The following NDUFS4 variants were observed in gnomAD, a reference collection of about 807,000 sequenced individuals.
NDUFS4 encodes the protein NADH:ubiquinone oxidoreductase subunit S4, also known as NADH dehydrogenase [ubiquinone] iron-sulfur protein 4, mitochondrial.
Under a neutral mutation model 24.3 loss-of-function variants are expected in NDUFS4, and 28 were observed. That is an observed-to-expected ratio of 1.15 (90% CI 0.85 to 1.58). The LOEUF (loss-of-function observed/expected upper bound fraction) is 1.58, where lower values mean the gene tolerates loss of function less well. NDUFS4 is among the 40% of genes most tolerant of loss of function. The pLI, the probability that NDUFS4 is intolerant of heterozygous loss-of-function variation, is 0.00. For missense variants in NDUFS4, 223 were observed against 207.9 expected (o/e 1.07, Z -0.45); for synonymous variants, 93 against 69.7 (o/e 1.34, Z -1.67).
intron 2 of NDUFS4, among the ~76,000 whole-genome samples, chr5:53,603,764 T>C (rs1209420580): frequency 6.6e-6 from 1 of 152,164 alleles, no homozygotes; most frequent in Non-Finnish European, 1.5e-5. Flanking sequence ...TGAAAGGTTT[T>C]CATTTTTGTG....
intron 1 of NDUFS4, among the ~76,000 whole-genome samples, chr5:53,595,064 T>A (rs1242528563): frequency 1.3e-5 from 2 of 152,158 alleles, no homozygotes; most frequent in Non-Finnish European, 2.9e-5. Flanking sequence ...GTATTTTTAT[T>A]ATGTAATAAA....
chr5:53,595,242 A>AT (rs1348824098), intron 1 of NDUFS4, among the ~76,000 whole-genome samples: 3 of 151,862 alleles, frequency 2.0e-5, no homozygotes, highest in African/African-American at 7.2e-5. Flanking sequence ...TTTTTTATGA[A>AT]TTTTTTCTTC....
chr5:53,569,066 T>A (rs1749131825), intron 1 of NDUFS4, among the ~76,000 whole-genome samples: 1 of 152,176 alleles, frequency 6.6e-6, no homozygotes, highest in African/African-American at 2.4e-5. Context: ...AAAATGTCAG[T>A]CTGTCTTGAT....
rs1752485561 is a variant in NDUFS4, at chr5:53,665,517, TG to T, written c.424+6895del. The stretch of plus-strand genomic sequence containing the variant: ...CTGCTTTGTTTACCTAGTCAAGCCT[TG>T]GCAATGGCGGACGCCCCTCCCACAG... On this transcript the variant is annotated intron_variant, in intron 4 of 4. Transcript: ENST00000296684. Among the ~76,000 whole-genome samples, 4 of 152,308 alleles carry T rather than the reference TG, an allele frequency of 2.6e-5. No homozygotes were observed. In the South Asian group the frequency reaches 8.3e-4, roughly 32 times the overall value.
intron 1 of NDUFS4, among the ~76,000 whole-genome samples, chr5:53,579,405 A>G (rs1431772277): frequency 6.6e-6 from 1 of 152,174 alleles, no homozygotes; most frequent in Admixed American, 6.5e-5. Context: ...TTATTTTTGT[A>G]TATTCTCTGT....
intron 3 of NDUFS4, 91 bp downstream of exon 3, chr5:53,646,496 C>CA: frequency 7.4e-7 from 1 of 1,343,390 alleles, no homozygotes; most frequent in Non-Finnish European, 1.1e-6. Flanking sequence ...CTTTTATGTA[C>CA]AATATGCTTA....
intron 4 of NDUFS4, among the ~76,000 whole-genome samples, chr5:53,673,778 G>T (rs900410931): frequency 6.6e-6 from 1 of 152,086 alleles, no homozygotes; most frequent in South Asian, 2.1e-4. Flanking sequence ...GAGAAACTGG[G>T]AGATGGAGAA....
At chr5:53,643,781 G>C (rs924643883) in intron 2 of NDUFS4, among the ~76,000 whole-genome samples, 1 of 152,096 alleles carries the variant, frequency 6.6e-6, no homozygotes, top group African/African-American at 2.4e-5. Flanking sequence ...TCTTTATTCT[G>C]TCTTTGGCAG....
At chr5:53,645,343 G>C (rs1579913248) in intron 2 of NDUFS4, among the ~76,000 whole-genome samples, 1 of 152,148 alleles carries the variant, frequency 6.6e-6, no homozygotes, top group African/African-American at 2.4e-5. Context: ...CAATGGCCTT[G>C]AGCAGTAGGA....
At position 53,582,438 on chromosome 5, in the gene NDUFS4, C is replaced by T. The variant is rs532831248; in HGVS notation, c.99-21014C>T. On this transcript the variant is annotated intron_variant, in intron 1 of 4. Transcript: ENST00000296684. Reference sequence around the variant, plus strand: ...TGCAGGGCACACTCAAACATACCCACACTCACTCAGACCGTGGCCATGTAT... The same window carrying T: ...TGCAGGGCACACTCAAACATACCCATACTCACTCAGACCGTGGCCATGTAT... 5.6e-4 allele frequency among the ~76,000 whole-genome samples: 86 copies of T among 152,222 alleles called. 1 individual carries two copies. In the South Asian group the frequency reaches 0.017, roughly 30 times the overall value.
intron 1 of NDUFS4, among the ~76,000 whole-genome samples, chr5:53,570,777 A>T (rs1257950959): frequency 7.0e-6 from 1 of 142,428 alleles, no homozygotes; most frequent in Non-Finnish European, 1.5e-5. Flanking sequence ...TCCGCCTCCC[A>T]GGTTCAAGTG....
intron 2 of NDUFS4, among the ~76,000 whole-genome samples, chr5:53,619,393 G>A (rs1245040908): frequency 7.0e-6 from 1 of 142,678 alleles, no homozygotes; most frequent in Non-Finnish European, 1.5e-5. Flanking sequence ...GGGAGGCTGA[G>A]GCAGAATCGC....
chr5:53,593,496 G>A (rs1750038454), intron 1 of NDUFS4, among the ~76,000 whole-genome samples: 1 of 151,004 alleles, frequency 6.6e-6, no homozygotes, highest in Non-Finnish European at 1.5e-5. Context: ...TCAAAGAACA[G>A]CTTTTGGTTT....
intron 1 of NDUFS4, among the ~76,000 whole-genome samples, chr5:53,583,503 G>A (rs1749641743): frequency 6.6e-6 from 1 of 152,162 alleles, no homozygotes; most frequent in Non-Finnish European, 1.5e-5. Flanking sequence ...GCTATTATGT[G>A]ATTTTAGAAT....
At chr5:53,586,898 A>G (rs1019423611) in intron 1 of NDUFS4, among the ~76,000 whole-genome samples, 3 of 151,928 alleles carry the variant, frequency 2.0e-5, no homozygotes, top group African/African-American at 4.8e-5. Context: ...ATATCGGCTC[A>G]CTGCAACTTC....
At chr5:53,607,599 G>A (rs1164794515) in intron 2 of NDUFS4, among the ~76,000 whole-genome samples, 1 of 152,132 alleles carries the variant, frequency 6.6e-6, no homozygotes, top group South Asian at 2.1e-4. Flanking sequence ...CTATGAACTA[G>A]TATTTTTCGT....
At chr5:53,585,765 TTGTGTGTATG>T (rs1310775646) in intron 1 of NDUFS4, among the ~76,000 whole-genome samples, 1 of 151,964 alleles carries the variant, frequency 6.6e-6, no homozygotes, top group African/African-American at 2.4e-5. Flanking sequence ...AAGAAAATTT[TTGTGTGTATG>T]TGTGTGTATA....
chr5:53,657,934 A>C (rs10940326), intron 3 of NDUFS4, among the ~76,000 whole-genome samples: 49,310 of 151,160 alleles, frequency 0.33, 8,421 homozygotes, highest in Non-Finnish European at 0.38. Context: ...CAAAAAAAAA[A>C]AAAAAAAAGA....
chr5:53,650,085 A>G (rs1012891725), intron 3 of NDUFS4, among the ~76,000 whole-genome samples: 2 of 152,198 alleles, frequency 1.3e-5, no homozygotes, highest in African/African-American at 4.8e-5. Flanking sequence ...CAGTGATTGA[A>G]ATGTTAATGA....
Sources: allele counts gnomAD v4.1 joint callset (sites outside exome capture counted in the v4.1 genomes callset), GRCh38; gene constraint gnomAD v4.1.1; transcripts MANE v1.5; gene names NCBI Gene and HGNC (gene_info 2026-07-23, HGNC 2026-07-21).